The following SLIT1 variants were observed in gnomAD, a reference collection of about 807,000 sequenced individuals.
The protein encoded by SLIT1 is slit guidance ligand 1.
In SLIT1, 66 loss-of-function variants were observed where a neutral mutation model predicts 186.1. That is an observed-to-expected ratio of 0.35 (90% confidence interval 0.29 to 0.44). The LOEUF (loss-of-function observed/expected upper bound fraction) is 0.44. Ranked by LOEUF, SLIT1 falls within the 20% of genes least tolerant of loss-of-function variation. The pLI is 1.00. For synonymous variants in SLIT1, 761 were observed against 833.8 expected, an observed-to-expected ratio of 0.91 and a Z score of 1.50; for missense variants, 1,638 against 2,037.4, an observed-to-expected ratio of 0.80 and a Z score of 3.77.
chr10:97,004,793 G>A lies in SLIT1; in HGVS notation c.3610C>T (p.Leu1204=), dbSNP rs1004998928. The change falls in exon 33 of 37, where the codon CTG becomes TTG. Residue 1204 remains leucine, a synonymous_variant. Coordinates refer to ENST00000266058, the MANE Select transcript of SLIT1 (RefSeq NM_003061.3). The surrounding 1 kb of genome is among the most constrained non-coding windows in gnomAD (Gnocchi z 5.1). ...VSTAEDNGIL[L]YNGDNDHIAV... is the part of the protein sequence containing the mutation. Reference sequence around the variant, plus strand: ...ATGTGGTCGTTGTCCCCGTTGTACAGAAGGATCCCATTGTCCTCTGCCGTG... The same window carrying A: ...ATGTGGTCGTTGTCCCCGTTGTACAAAAGGATCCCATTGTCCTCTGCCGTG... 6.2e-7 allele frequency: 1 copy of A among 1,614,068 alleles called. No individual in the cohort carries two copies. The highest frequency in any genetic ancestry group is 1.3e-5 in the African/African-American group (1 of 74,922).
Position 97,004,755 on chromosome 10 carries a change from C to T in SLIT1, c.3648G>A (p.Leu1216=). 6.2e-7 allele frequency: 1 copy of T among 1,614,190 alleles called. No individual in the cohort carries two copies. The highest frequency in any genetic ancestry group is 8.5e-7 in the Non-Finnish European group (1 of 1,180,018). ...AGCTGACACGCACATGGCCCTGGTA[C>T]AGCTCAACTGCAATGTGGTCGTTGT... The part of the protein sequence containing the change: ...NGDNDHIAVE[L]YQGHVRVSYD... The change falls in exon 33 of 37, where the codon CTG becomes CTA. Residue 1216 remains leucine, a synonymous_variant. Coordinates refer to ENST00000266058, the MANE Select transcript of SLIT1 (RefSeq NM_003061.3). This position sits in a 1 kb window ranked among gnomAD's most constrained non-coding sequence, Gnocchi z 5.1.
chr10:97,048,865 G>GGGCAGGCA (rs1242258668), intron 14 of SLIT1, 90 bp downstream of exon 14: 27 of 1,368,896 alleles, frequency 2.0e-5, no homozygotes, highest in Non-Finnish European at 3.0e-6. Flanking sequence ...GTGGGCAGGT[G>GGGCAGGCA]GGCAGGTATG....
Position 97,031,543 on chromosome 10 carries a change from G to A in SLIT1, c.2510+63C>T. 2.3e-6 allele frequency: 3 copies of A among 1,317,784 alleles called. No individual in the cohort carries two copies. In the South Asian group the frequency reaches 3.9e-5, roughly 17 times the overall value. The allele number at this position is 1,317,784 out of a possible 1,614,324, so 81.6% of individuals were successfully genotyped here. A position where few individuals can be genotyped will look rare whatever the true frequency, so the allele number is the denominator to read the frequency against. ...GACATGGGAACATTTCTGCCCACCA[G>A]GTGGGTGGCAGGACCCTCAGTGGGG... On this transcript the variant is annotated intron_variant, in intron 24 of 36. Coordinates refer to ENST00000266058, the MANE Select transcript of SLIT1 (RefSeq NM_003061.3).
chr10:97,123,978 A>G (rs527360359), intron 4 of SLIT1, among the ~76,000 whole-genome samples: 1 of 152,216 alleles, frequency 6.6e-6, no homozygotes, highest in Admixed American at 6.5e-5. Context: ...AAATCCCTCC[A>G]TCAGACAGTG....
At chr10:97,128,816 C>G (rs1446439356) in intron 4 of SLIT1, among the ~76,000 whole-genome samples, 2 of 152,130 alleles carry the variant, frequency 1.3e-5, no homozygotes, top group Non-Finnish European at 2.9e-5. Context: ...AAAGATCTCA[C>G]TTAGGATCAT....
At chr10:97,066,470 G>A (rs1470409765) in intron 4 of SLIT1, among the ~76,000 whole-genome samples, 2 of 152,148 alleles carry the variant, frequency 1.3e-5, no homozygotes, top group African/African-American at 4.8e-5. Flanking sequence ...CCCCAGTGCT[G>A]GAGGTGGGGC....
intron 30 of SLIT1, among the ~76,000 whole-genome samples, chr10:97,012,489 C>T (rs1464104040): frequency 1.3e-5 from 2 of 152,244 alleles, no homozygotes; most frequent in Non-Finnish European, 2.9e-5. Context: ...TGTGCCACAA[C>T]CCCGGGTCCG....
intron 4 of SLIT1, among the ~76,000 whole-genome samples, chr10:97,138,720 A>G (rs1849728715): frequency 1.3e-5 from 2 of 152,230 alleles, no homozygotes; most frequent in Admixed American, 1.3e-4. Context: ...ACCAAATTTG[A>G]ATATGTCTGA....
Position 97,004,259 on chromosome 10 carries a change from G to A in SLIT1, c.3711-37C>T. ...GGGGGTTCCCCGTTCCAGGGAGTGG[G>A]CATCAGTCTGGACCATCCCTGCCTG... On this transcript the variant is annotated intron_variant, in intron 33 of 36. Transcript: ENST00000266058. This position sits in a 1 kb window ranked among gnomAD's most constrained non-coding sequence, Gnocchi z 5.1. The A allele has an allele frequency of 6.3e-7, 1 of 1,585,014 alleles. No individual in the cohort carries two copies. The highest frequency in any genetic ancestry group is 8.6e-7 in the Non-Finnish European group (1 of 1,157,990).
chr10:97,079,399 T>C (rs1263135852), intron 4 of SLIT1, among the ~76,000 whole-genome samples: 1 of 152,182 alleles, frequency 6.6e-6, no homozygotes, highest in African/African-American at 2.4e-5. Context: ...AGCTGTATAC[T>C]CACTGGCACA....
chr10:97,090,354 G>C (rs985556794), intron 4 of SLIT1, among the ~76,000 whole-genome samples: 2 of 151,720 alleles, frequency 1.3e-5, no homozygotes, highest in African/African-American at 4.8e-5. Flanking sequence ...GAGCGTCCCA[G>C]GCAGAGGAAC....
rs777762004 is a variant in SLIT1 at position 97,003,307 on chromosome 10, A to T, written c.3866-315T>A. Among the ~76,000 whole-genome samples the T allele has an allele frequency of 1.7e-4, 26 of 152,088 alleles. 1 individual carries two copies. Among genetic ancestry groups the T allele is most frequent in the South Asian group, 8.3e-4 (4 of 4,830 alleles). On this transcript the variant is annotated intron_variant, in intron 34 of 36. Transcript: ENST00000266058. ...CGCCAAGGCGCCTTCTCTCCCTGGGACGCTAGCTTTTACCTCCCAGAGACC... is the reference window on the plus strand; with the variant it reads ...CGCCAAGGCGCCTTCTCTCCCTGGGTCGCTAGCTTTTACCTCCCAGAGACC...
chr10:97,137,943 C>T (rs1352780371), intron 4 of SLIT1, among the ~76,000 whole-genome samples: 1 of 152,190 alleles, frequency 6.6e-6, no homozygotes, highest in African/African-American at 2.4e-5. Context: ...CAAGATTAAG[C>T]AACTTGCCAG....
chr10:97,169,913 A>T (rs954629965), intron 1 of SLIT1, among the ~76,000 whole-genome samples: 10 of 152,194 alleles, frequency 6.6e-5, no homozygotes, highest in Non-Finnish European at 4.4e-5. Context: ...GCGGGATCAG[A>T]CCCCAGCCAG....
chr10:97,136,262 G>A (rs1303238838), intron 4 of SLIT1, among the ~76,000 whole-genome samples: 1 of 152,066 alleles, frequency 6.6e-6, no homozygotes, highest in Non-Finnish European at 1.5e-5. Context: ...GAGGGCAGGG[G>A]GTGTTTGGGG....
At chr10:97,037,814 G>A in intron 21 of SLIT1, 48 bp from the exon 22 acceptor site, 1 of 1,523,240 alleles carries the variant, frequency 6.6e-7, no homozygotes, top group Non-Finnish European at 9.1e-7. Context: ...ACCTCTGGTG[G>A]TGCCCCATGC....
At chr10:97,166,575 G>GAAAA (rs1850116590) in intron 1 of SLIT1, among the ~76,000 whole-genome samples, 1 of 78,862 alleles carries the variant, frequency 1.3e-5, no homozygotes. Context: ...GAGAGAGAAA[G>GAAAA]AAAGAAAGAA....
chr10:97,092,595 A>G (rs1441585809), intron 4 of SLIT1, among the ~76,000 whole-genome samples: 1 of 151,972 alleles, frequency 6.6e-6, no homozygotes, highest in Non-Finnish European at 1.5e-5. Context: ...GCACAATGGG[A>G]CTCTCCCCAT....
Position 97,010,898 on chromosome 10 carries a change from C to CA in SLIT1, c.3341+94dup. ...AGCATCCAACTTCCAGGCTCTGACC[C>CA]ACACCCCTTTCCTTCGCCATGGCTG... On this transcript the variant is annotated intron_variant, in intron 31 of 36. Transcript: ENST00000266058. The surrounding 1 kb of genome is among the most constrained non-coding windows in gnomAD (Gnocchi z 4.8). 1.6e-6 allele frequency: 2 copies of CA among 1,234,270 alleles called. No individual in the cohort carries two copies. Among genetic ancestry groups the CA allele is most frequent in the Non-Finnish European group, 2.3e-6 (2 of 872,656 alleles). 76.5% of individuals were successfully genotyped at this position (1,234,270 alleles called of 1,614,324 possible). A position where few individuals can be genotyped will look rare whatever the true frequency, so the allele number is the denominator to read the frequency against.
Sources: allele counts gnomAD v4.1 joint callset (sites outside exome capture counted in the v4.1 genomes callset), GRCh38; gene constraint gnomAD v4.1.1; non-coding constraint Gnocchi (gnomAD v3.1); transcripts MANE v1.5; gene names NCBI Gene and HGNC (gene_info 2026-07-23, HGNC 2026-07-21).